The following CCAR1 variants were observed in gnomAD, a reference collection of about 807,000 sequenced individuals.
The protein encoded by CCAR1 is cell division cycle and apoptosis regulator protein 1.
In CCAR1, 78 loss-of-function variants were observed where a neutral mutation model predicts 163.8. That is an observed-to-expected ratio of 0.48 (90% confidence interval 0.40 to 0.57). CCAR1 has a LOEUF of 0.57. Among genes scored for constraint, CCAR1 ranks in the 20% least tolerant of loss-of-function variants. The pLI is 0.00. For synonymous variants in CCAR1, 443 were observed against 460.7 expected (o/e 0.96, Z 0.49); for missense variants, 1,019 against 1,365.2 (o/e 0.75, Z 4.00).
intron 9 of CCAR1, 76 bp from the exon 10 acceptor site, chr10:68,749,448 C>T: frequency 7.6e-7 from 1 of 1,316,012 alleles, no homozygotes; most frequent in Non-Finnish European, 1.0e-6. Flanking sequence ...CTTATATTAC[C>T]TACTCTATTT....
chr10:68,774,637 A>G (rs1446152864), intron 19 of CCAR1, among the ~76,000 whole-genome samples: 2 of 152,156 alleles, frequency 1.3e-5, no homozygotes, highest in African/African-American at 4.8e-5. Flanking sequence ...TCTCAAAAAA[A>G]AAAAAAACTA....
chr10:68,740,601 C>CTG, intron 4 of CCAR1, 28 bp from the exon 5 acceptor site: 1 of 1,600,792 alleles, frequency 6.2e-7, no homozygotes, highest in Non-Finnish European at 8.6e-7. Flanking sequence ...TGACCCTTTT[C>CTG]TGTGTGTGTT....
In CCAR1 at chr10:68,773,024, G is replaced by A. The variant is rs749073326; in HGVS notation, c.2575G>A (p.Asp859Asn). Residue 859 changes from aspartate to asparagine, a missense_variant, in exon 19 of 25, where the codon GAT becomes AAT. Physicochemically the swap from Asp to Asn is conservative, Grantham distance 23 (BLOSUM62 1). Coordinates refer to ENST00000265872, the MANE Select transcript of CCAR1 (RefSeq NM_018237.4). ...AAGAAAAGATGATTCTAAAGATGAT[G>A]ATGAAACTGAAGAAGATAACAATCA... ...DKRKDDSKDD[D>N]ETEEDNNQDE... 9.8e-6 allele frequency: 15 copies of A among 1,536,042 alleles called. No individual in the cohort carries two copies. Among genetic ancestry groups the A allele is most frequent in the Admixed American group, 3.7e-5 (2 of 54,620 alleles).
At position 68,758,276 on chromosome 10, in the gene CCAR1, C is replaced by T. The variant is rs575962491; in HGVS notation, c.1920+899C>T. Among the ~76,000 whole-genome samples, 10 of 152,142 alleles carry T rather than the reference C, an allele frequency of 6.6e-5. No homozygotes were observed. The South Asian group carries it at 2.1e-3, about 32-fold the overall frequency. ...TGCCATATTGGTCAGGCCGGTCTCA[C>T]ACTCCTGGCCTCAAGCGATCTATCC... On this transcript the variant is annotated intron_variant, in intron 15 of 24. Transcript: ENST00000265872.
chr10:68,787,350 A>G (rs1343324093), intron 21 of CCAR1, among the ~76,000 whole-genome samples: 2 of 151,902 alleles, frequency 1.3e-5, no homozygotes, highest in Non-Finnish European at 2.9e-5. Flanking sequence ...CACAGTACCC[A>G]TTATACAGAT....
intron 2 of CCAR1, among the ~76,000 whole-genome samples, chr10:68,729,953 C>G (rs140504981): frequency 6.6e-6 from 1 of 150,940 alleles, no homozygotes; most frequent in East Asian, 2.0e-4. Flanking sequence ...GAGTTTCGCT[C>G]TTGTTGCCCA....
intron 6 of CCAR1, among the ~76,000 whole-genome samples, chr10:68,745,433 C>G (rs2133341907): frequency 6.6e-6 from 1 of 151,406 alleles, no homozygotes; most frequent in South Asian, 2.1e-4. Flanking sequence ...TCTGAAGTAG[C>G]TGGGACTCTA....
At chr10:68,769,874 G>T (rs2056580852) in intron 17 of CCAR1, among the ~76,000 whole-genome samples, 1 of 150,430 alleles carries the variant, frequency 6.6e-6, no homozygotes, top group Admixed American at 6.6e-5. Flanking sequence ...TGGCGAGGCG[G>T]AGCTTGCAGT....
chr10:68,756,575 A>G lies in CCAR1; in HGVS notation c.1836+92A>G, dbSNP rs2056399221. The G allele has an allele frequency of 3.2e-6, 3 of 944,548 alleles. No homozygotes were observed. Among genetic ancestry groups the G allele is most frequent in the Non-Finnish European group, 5.0e-6 (3 of 597,048 alleles). The allele number at this position is 944,548 out of a possible 1,614,324, so 58.5% of individuals were successfully genotyped here. A position where few individuals can be genotyped will look rare whatever the true frequency, so the allele number is the denominator to read the frequency against. On this transcript the variant is annotated intron_variant, in intron 14 of 24. Transcript: ENST00000265872. The surrounding 1 kb of genome is among the most constrained non-coding windows in gnomAD (Gnocchi z 5.1). ...ACACCACACACTACATAATAAACAC[A>G]CATGGAGGAACATAACTGGTAACAG...
rs369802400 is a variant in CCAR1 at position 68,737,952 on chromosome 10, T to C, written c.291+63T>C. On this transcript the variant is annotated intron_variant, in intron 4 of 24. Coordinates refer to ENST00000265872, the MANE Select transcript of CCAR1 (RefSeq NM_018237.4). Reference sequence around the variant, plus strand: ...AATAGCCATTTGCTCCAAAGTTCAATTGATAGAGAGTTTTATTTCTATCAG... The same window carrying C: ...AATAGCCATTTGCTCCAAAGTTCAACTGATAGAGAGTTTTATTTCTATCAG... 98 of 1,105,122 alleles carry C rather than the reference T, an allele frequency of 8.9e-5. No homozygotes were observed. The African/African-American group carries it at 1.1e-3, about 13-fold the overall frequency. The allele number at this position is 1,105,122 out of a possible 1,614,324, so 68.5% of individuals were successfully genotyped here.
Position 68,788,151 on chromosome 10 carries a change from T to G in CCAR1, c.3010T>G (p.Leu1004Val). 1.3e-6 allele frequency: 2 copies of G among 1,565,306 alleles called. No homozygotes were observed. Among genetic ancestry groups the G allele is most frequent in the Non-Finnish European group, 1.7e-6 (2 of 1,162,398 alleles). Residue 1004 changes from leucine (L) to valine (V), a missense_variant, in exon 23 of 25, where the codon TTA becomes GTA. Physicochemically the swap from Leu to Val is conservative, Grantham distance 32. Transcript: ENST00000265872. Reference protein sequence around the residue: ...SLQEDMLGNRLLLPTPTVKQE... With the variant: ...SLQEDMLGNRVLLPTPTVKQE... Reference sequence around the variant, plus strand: ...TATATTTTATATTATAGGAAACAGATTATTACTTCCAACACCAACAGTAAA... The same window carrying G: ...TATATTTTATATTATAGGAAACAGAGTATTACTTCCAACACCAACAGTAAA...
intron 10 of CCAR1, among the ~76,000 whole-genome samples, chr10:68,752,866 G>T (rs538472258): frequency 6.6e-6 from 1 of 151,204 alleles, no homozygotes; most frequent in African/African-American, 2.4e-5. Context: ...GCAAGATTCT[G>T]CCTGTAGATA....
chr10:68,753,133 A>G (rs1265472239), intron 10 of CCAR1, among the ~76,000 whole-genome samples: 1 of 45,848 alleles, frequency 2.2e-5, no homozygotes, highest in Admixed American at 2.4e-4. Flanking sequence ...TTTAACAGAC[A>G]TCTCTTAGCC....
intron 15 of CCAR1, among the ~76,000 whole-genome samples, chr10:68,757,885 C>T (rs1589170917): frequency 2.0e-5 from 3 of 149,650 alleles, no homozygotes; most frequent in South Asian, 4.3e-4. Context: ...GGACTATAGG[C>T]GCCTGCCACC....
intron 19 of CCAR1, among the ~76,000 whole-genome samples, chr10:68,779,445 GAC>G (rs1480528958): frequency 6.6e-6 from 1 of 151,780 alleles, no homozygotes; most frequent in Non-Finnish European, 1.5e-5. Flanking sequence ...TTTTAGTAGA[GAC>G]AGGGTTTCAC....
chr10:68,775,848 C>T (rs1259209439), intron 19 of CCAR1, among the ~76,000 whole-genome samples: 4 of 152,004 alleles, frequency 2.6e-5, no homozygotes, highest in Non-Finnish European at 5.9e-5. Flanking sequence ...AGGCATGTGG[C>T]ACCACACCTT....
chr10:68,771,610 C>T (rs2056603216), intron 18 of CCAR1, among the ~76,000 whole-genome samples, 165 bp downstream of exon 18: 1 of 151,960 alleles, frequency 6.6e-6, no homozygotes, highest in Non-Finnish European at 1.5e-5. Context: ...AGTGAAACCT[C>T]GTCTCCACTA....
At chr10:68,782,174 G>A (rs1429396715) in intron 19 of CCAR1, among the ~76,000 whole-genome samples, 1 of 152,160 alleles carries the variant, frequency 6.6e-6, no homozygotes, top group African/African-American at 2.4e-5. Flanking sequence ...TCTGAACAAG[G>A]CCCTAACTCT....
chr10:68,761,038 G>A lies in CCAR1; in HGVS notation c.1952G>A (p.Arg651Gln), dbSNP rs1221967997. ...VNDLRKELES[R>Q]ALSSKGLKSQ... is the part of the protein sequence containing the mutation. The stretch of plus-strand genomic sequence containing the variant: ...GACCTCCGAAAAGAATTAGAAAGTC[G>A]AGCTCTTAGTTCCAAAGGATTAAAA... The change falls in exon 16 of 25, where the codon CGA (arginine) becomes CAA (glutamine). Residue 651 changes from arginine (R) to glutamine (Q), a missense_variant. Physicochemically the swap from Arg to Gln is conservative, Grantham distance 43. Coordinates refer to ENST00000265872, the MANE Select transcript of CCAR1 (RefSeq NM_018237.4). 2.6e-6 allele frequency: 4 copies of A among 1,553,050 alleles called. No individual in the cohort carries two copies. Among genetic ancestry groups the A allele is most frequent in the South Asian group, 1.2e-5 (1 of 83,364 alleles).
Sources: allele counts gnomAD v4.1 joint callset (sites outside exome capture counted in the v4.1 genomes callset), GRCh38; gene constraint gnomAD v4.1.1; non-coding constraint Gnocchi (gnomAD v3.1); transcripts MANE v1.5; gene names NCBI Gene and HGNC (gene_info 2026-07-23, HGNC 2026-07-21).